The following DENND1A variants were observed in gnomAD, a reference collection of about 807,000 sequenced individuals.
DENND1A encodes the protein DENN domain-containing protein 1A.
A neutral mutation model predicts 113.7 loss-of-function variants in DENND1A; 51 were observed. The ratio of observed to expected loss-of-function variants is 0.45; its 90% CI spans 0.36 to 0.57. The LOEUF (loss-of-function observed/expected upper bound fraction) is 0.57, where lower values mean the gene tolerates loss of function less well. Ranked by LOEUF, DENND1A falls within the 20% of genes least tolerant of loss-of-function variation. The pLI, the probability that DENND1A is intolerant of heterozygous loss-of-function variation, is 0.00. For synonymous variants in DENND1A, 565 were observed against 570.8 expected, an observed-to-expected ratio of 0.99 and a Z score of 0.14; for missense variants, 1,258 against 1,395.9, an observed-to-expected ratio of 0.90 and a Z score of 1.57.
At chr9:123,542,277 G>C (rs950463782) in intron 13 of DENND1A, among the ~76,000 whole-genome samples, 3 of 152,192 alleles carry the variant, frequency 2.0e-5, no homozygotes, top group African/African-American at 7.2e-5. Context: ...TTTAAGTCGA[G>C]ATTCCCTTAC....
At chr9:123,716,334 G>A (rs570467443) in intron 5 of DENND1A, among the ~76,000 whole-genome samples, 1 of 152,150 alleles carries the variant, frequency 6.6e-6, no homozygotes, top group Non-Finnish European at 1.5e-5. Context: ...ATGCCCATTT[G>A]CTTTTAAAAG....
intron 21 of DENND1A, among the ~76,000 whole-genome samples, chr9:123,399,631 G>A (rs767017822): frequency 2.0e-5 from 3 of 152,226 alleles, no homozygotes; most frequent in Admixed American, 6.5e-5. Context: ...TTTCTTTGGC[G>A]GTGAGAAGAC....
chr9:123,862,863 T>C (rs1033420104), intron 2 of DENND1A, among the ~76,000 whole-genome samples: 2 of 152,208 alleles, frequency 1.3e-5, no homozygotes, highest in African/African-American at 4.8e-5. Context: ...TATAAAACTC[T>C]GATGCAGCCA....
intron 2 of DENND1A, among the ~76,000 whole-genome samples, chr9:123,864,701 C>G (rs569403596): frequency 1.4e-4 from 21 of 152,190 alleles, no homozygotes; most frequent in African/African-American, 4.3e-4. Context: ...ATGCCCTCCC[C>G]CTAGACCTAC....
intron 9 of DENND1A, among the ~76,000 whole-genome samples, chr9:123,637,953 G>GCACA (rs10539798): frequency 2.0e-5 from 3 of 147,786 alleles, no homozygotes; most frequent in Non-Finnish European, 3.0e-5. Flanking sequence ...ACACACACGC[G>GCACA]CACACACACA....
At chr9:123,572,826 T>C (rs1589190092) in intron 12 of DENND1A, among the ~76,000 whole-genome samples, 1 of 152,292 alleles carries the variant, frequency 6.6e-6, no homozygotes, top group Admixed American at 6.5e-5. Context: ...CACTTTTTTA[T>C]TTATGATGTG....
chr9:123,450,606 C>T, intron 18 of DENND1A, 87 bp downstream of exon 18: 1 of 1,057,774 alleles, frequency 9.5e-7, no homozygotes, highest in South Asian at 1.4e-5. Flanking sequence ...CTGTATCAAA[C>T]AGCCCTCTAT....
chr9:123,683,848 A>G (rs1333058066), intron 5 of DENND1A, among the ~76,000 whole-genome samples: 1 of 152,240 alleles, frequency 6.6e-6, no homozygotes, highest in African/African-American at 2.4e-5. Flanking sequence ...TCATCTCTAT[A>G]GGTTCTATTA....
At chr9:123,896,252 C>A (rs780977974) in intron 1 of DENND1A, among the ~76,000 whole-genome samples, 16 of 151,986 alleles carry the variant, frequency 1.1e-4, no homozygotes, top group Admixed American at 2.0e-4. Context: ...TTCAAGGCTG[C>A]AGTCAGCCAG....
intron 19 of DENND1A, among the ~76,000 whole-genome samples, chr9:123,419,703 G>A (rs2045075239): frequency 6.6e-6 from 1 of 152,238 alleles, no homozygotes; most frequent in Admixed American, 6.5e-5. Flanking sequence ...AATAAAAGAG[G>A]GCTGCTTTTG....
chr9:123,687,514 G>A (rs2064884627), intron 5 of DENND1A, among the ~76,000 whole-genome samples: 1 of 152,162 alleles, frequency 6.6e-6, no homozygotes, highest in African/African-American at 2.4e-5. Context: ...CCTGTGCAAG[G>A]AACATTAAAA....
At chr9:123,401,597 T>C in intron 21 of DENND1A, 1 of 1,416,256 alleles carries the variant, frequency 7.1e-7, no homozygotes, top group Non-Finnish European at 9.2e-7. Flanking sequence ...GCTCCCATGC[T>C]CCCACTGGTT....
At chr9:123,923,730 T>C (rs1012814180) in intron 1 of DENND1A, among the ~76,000 whole-genome samples, 2 of 152,172 alleles carry the variant, frequency 1.3e-5, no homozygotes, top group Non-Finnish European at 2.9e-5. Context: ...CTCCCCTTTC[T>C]TTCAGTTCAA....
intron 1 of DENND1A, among the ~76,000 whole-genome samples, chr9:123,919,085 T>C (rs953394617): frequency 1.3e-5 from 2 of 152,262 alleles, no homozygotes; most frequent in East Asian, 1.9e-4. Flanking sequence ...CCAATTGCAA[T>C]GTATGAACTT....
Position 123,695,484 on chromosome 9 carries a change from T to A in DENND1A, c.303-18695A>T, listed in dbSNP as rs547746029. Among the ~76,000 whole-genome samples the A allele has an allele frequency of 1.6e-3, 240 of 150,832 alleles. 2 individuals carry two copies. Among genetic ancestry groups the A allele is most frequent in the Non-Finnish European group, 3.0e-3 (204 of 67,624 alleles). ...CTAAAGAATATGATGTCATTGAGTT[T>A]TATATATATATATATCCTATTAGTG... On this transcript the variant is annotated intron_variant, in intron 5 of 23. Transcript: ENST00000394215.
intron 21 of DENND1A, among the ~76,000 whole-genome samples, chr9:123,395,468 C>CTCTCTGTGTGTG (rs367751848): frequency 1.6e-4 from 23 of 142,982 alleles, no homozygotes; most frequent in Middle Eastern, 7.1e-3. Context: ...CTCTCTCTCT[C>CTCTCTGTGTGTG]TGTGTGTGTG....
intron 8 of DENND1A, among the ~76,000 whole-genome samples, chr9:123,653,777 C>T (rs1305783658): frequency 6.6e-6 from 1 of 151,966 alleles, no homozygotes; most frequent in Non-Finnish European, 1.5e-5. Context: ...TTAAAAATTA[C>T]CGTTACCCCA....
chr9:123,688,532 G>T (rs956229408), intron 5 of DENND1A, among the ~76,000 whole-genome samples: 1 of 152,120 alleles, frequency 6.6e-6, no homozygotes, highest in Non-Finnish European at 1.5e-5. Flanking sequence ...TCTGATAGAG[G>T]CAACAGGCGC....
chr9:123,810,478 G>C lies in DENND1A; in HGVS notation c.89-17848C>G, dbSNP rs184074028. On this transcript the variant is annotated intron_variant, in intron 2 of 23. Transcript: ENST00000394215. ...TGTAATCCCAGCATTTTGGGAGGCC[G>C]AGGAGGGAGGATCACTTGAGCTCAA... Among the ~76,000 whole-genome samples, 169 of 146,710 alleles carry C rather than the reference G, an allele frequency of 1.2e-3. 1 individual carries two copies. Among genetic ancestry groups the C allele is most frequent in the African/African-American group, 4.1e-3 (164 of 39,614 alleles).
Sources: allele counts gnomAD v4.1 joint callset (sites outside exome capture counted in the v4.1 genomes callset), GRCh38; gene constraint gnomAD v4.1.1; transcripts MANE v1.5; gene names NCBI Gene and HGNC (gene_info 2026-07-23, HGNC 2026-07-21).